FGGY: variants seen among roughly 807,000 people sequenced by gnomAD.
FGGY encodes the protein FGGY carbohydrate kinase domain containing.
In FGGY, 72 loss-of-function variants were observed where a neutral mutation model predicts 71.3. The observed-to-expected ratio is 1.01, with a 90% confidence interval of 0.84 to 1.23. The LOEUF (loss-of-function observed/expected upper bound fraction) is 1.23, where lower values mean the gene tolerates loss of function less well. Among genes scored for constraint, FGGY ranks in the 50% most tolerant of loss-of-function variants. The pLI, the probability that FGGY is intolerant of heterozygous loss-of-function variation, is 0.00. For synonymous variants in FGGY, 251 were observed against 250.3 expected (o/e 1.00, Z -0.02); for missense variants, 668 against 682.3 (o/e 0.98, Z 0.23).
chr1:59,647,505 G>T (rs1192096150), intron 11 of FGGY, among the ~76,000 whole-genome samples: 1 of 152,150 alleles, frequency 6.6e-6, no homozygotes, highest in African/African-American at 2.4e-5. Context: ...AGAAATCTAG[G>T]TTGGTTCTAC....
At chr1:59,538,417 A>G (rs932491969) in intron 7 of FGGY, among the ~76,000 whole-genome samples, 1 of 152,056 alleles carries the variant, frequency 6.6e-6, no homozygotes, top group African/African-American at 2.4e-5. Flanking sequence ...TAGTTGAACC[A>G]TTGTGGAAGT....
At chr1:59,496,594 G>A (rs1195369761) in intron 6 of FGGY, among the ~76,000 whole-genome samples, 1 of 152,042 alleles carries the variant, frequency 6.6e-6, no homozygotes, top group Non-Finnish European at 1.5e-5. Flanking sequence ...TATCAGCTGG[G>A]TGATGAAATA....
chr1:59,602,010 C>T (rs1465596671), intron 8 of FGGY, among the ~76,000 whole-genome samples: 2 of 152,138 alleles, frequency 1.3e-5, no homozygotes, highest in Non-Finnish European at 2.9e-5. Context: ...AAGCCCAGGC[C>T]ATGTGAGGGC....
chr1:59,670,914 A>T (rs2097371918), intron 13 of FGGY, among the ~76,000 whole-genome samples: 1 of 152,194 alleles, frequency 6.6e-6, no homozygotes, highest in African/African-American at 2.4e-5. Flanking sequence ...AGTAATTGTT[A>T]AGTTTCCCCC....
chr1:59,633,497 T>G (rs2096927971), intron 10 of FGGY, among the ~76,000 whole-genome samples: 1 of 151,870 alleles, frequency 6.6e-6, no homozygotes, highest in Non-Finnish European at 1.5e-5. Context: ...TGTAGGGAAG[T>G]CATAAGATGC....
intron 5 of FGGY, among the ~76,000 whole-genome samples, chr1:59,447,628 CT>C (rs986040657): frequency 6.6e-6 from 1 of 152,100 alleles, no homozygotes; most frequent in Non-Finnish European, 1.5e-5. Flanking sequence ...GTTTCTCCTC[CT>C]GCTGTTCTTA....
At chr1:59,390,965 A>G (rs918381101) in intron 5 of FGGY, among the ~76,000 whole-genome samples, 1 of 152,230 alleles carries the variant, frequency 6.6e-6, no homozygotes, top group Non-Finnish European at 1.5e-5. Context: ...CTAATCCAGT[A>G]ATTGATAGGT....
At chr1:59,336,158 G>A (rs1365491139) in intron 2 of FGGY, among the ~76,000 whole-genome samples, 1 of 152,036 alleles carries the variant, frequency 6.6e-6, no homozygotes, top group Non-Finnish European at 1.5e-5. Flanking sequence ...GTTAAGTTTT[G>A]TGTATGGTGT....
intron 5 of FGGY, among the ~76,000 whole-genome samples, chr1:59,400,032 A>C (rs1483058946): frequency 2.0e-5 from 3 of 152,224 alleles, no homozygotes; most frequent in Admixed American, 6.5e-5. Flanking sequence ...AGTGTTTAGA[A>C]ACCAAGTGTG....
intron 4 of FGGY, among the ~76,000 whole-genome samples, chr1:59,366,433 A>C: frequency 6.6e-6 from 1 of 151,890 alleles, no homozygotes; most frequent in East Asian, 1.9e-4. Flanking sequence ...AAGCCTTTAG[A>C]AAAGCCTTTA....
intron 6 of FGGY, among the ~76,000 whole-genome samples, chr1:59,471,997 C>T (rs562289965): frequency 2.8e-4 from 42 of 152,358 alleles, no homozygotes; most frequent in East Asian, 2.3e-3. Flanking sequence ...GCTCGCTCTC[C>T]GCGCCTCCTC....
At chr1:59,439,900 T>G (rs2069364431) in intron 5 of FGGY, among the ~76,000 whole-genome samples, 1 of 152,116 alleles carries the variant, frequency 6.6e-6, no homozygotes, top group Admixed American at 6.6e-5. Flanking sequence ...TGATTTTAGA[T>G]GTACTGAGAA....
At chr1:59,546,593 G>C (rs983355296) in intron 7 of FGGY, among the ~76,000 whole-genome samples, 2 of 151,858 alleles carry the variant, frequency 1.3e-5, no homozygotes, top group Non-Finnish European at 2.9e-5. Flanking sequence ...GCAATGGCGC[G>C]ATCTCGGCTC....
intron 14 of FGGY, among the ~76,000 whole-genome samples, chr1:59,748,209 T>G (rs755293879): frequency 5.9e-5 from 9 of 151,692 alleles, no homozygotes; most frequent in Non-Finnish European, 1.0e-4. Context: ...GGAGCTTAGA[T>G]TCAGGAGGGA....
chr1:59,511,172 C>T (rs1025687083), intron 6 of FGGY, among the ~76,000 whole-genome samples: 4 of 152,072 alleles, frequency 2.6e-5, no homozygotes, highest in South Asian at 2.1e-4. Flanking sequence ...AAAATGGTGT[C>T]GTCAAAGTGC....
At chr1:59,687,554 C>T (rs891355714) in intron 14 of FGGY, among the ~76,000 whole-genome samples, 2 of 151,856 alleles carry the variant, frequency 1.3e-5, no homozygotes, top group African/African-American at 4.8e-5. Flanking sequence ...GCAAGCTCTG[C>T]CTCCTGGGTT....
chr1:59,641,213 C>A, intron 11 of FGGY: 1 of 1,269,426 alleles, frequency 7.9e-7, no homozygotes, highest in Non-Finnish European at 1.1e-6. Flanking sequence ...ATTGTCTAAC[C>A]AATGATAGAT....
At chr1:59,684,470 C>A in intron 14 of FGGY, among the ~76,000 whole-genome samples, 1 of 152,168 alleles carries the variant, frequency 6.6e-6, no homozygotes, top group East Asian at 1.9e-4. Flanking sequence ...TGGGACCCCC[C>A]AGGCCTATGC....
chr1:59,384,155 T>C (rs1478626903), intron 5 of FGGY, among the ~76,000 whole-genome samples: 1 of 152,202 alleles, frequency 6.6e-6, no homozygotes, highest in East Asian at 1.9e-4. Flanking sequence ...TAATCATCCC[T>C]GCCATTTTTA....
Sources: allele counts gnomAD v4.1 joint callset (sites outside exome capture counted in the v4.1 genomes callset), GRCh38; gene constraint gnomAD v4.1.1; transcripts MANE v1.5; gene names NCBI Gene and HGNC (gene_info 2026-07-23, HGNC 2026-07-21).